The following COL27A1 variants were observed in gnomAD, a reference collection of about 807,000 sequenced individuals.
COL27A1 encodes the protein collagen alpha-1(XXVII) chain.
Under a neutral mutation model 251.3 loss-of-function variants are expected in COL27A1, and 106 were observed. The observed-to-expected ratio is 0.42, with a 90% CI of 0.36 to 0.50. COL27A1 has a LOEUF of 0.50. Among genes scored for constraint, COL27A1 ranks in the 20% least tolerant of loss-of-function variants. The probability of loss-of-function intolerance (pLI) is 0.00; values close to 1 mark genes in which losing one functional copy is unlikely to be tolerated. For synonymous variants in COL27A1, 1,000 were observed against 986.3 expected (o/e 1.01, Z -0.26); for missense variants, 2,325 against 2,522.8 (o/e 0.92, Z 1.68).
chr9:114,162,652 G>A lies in COL27A1; in HGVS notation c.63-63G>A. 4.7e-6 allele frequency: 6 copies of A among 1,265,686 alleles called. No homozygotes were observed. The South Asian group carries it at 7.3e-5, about 15-fold the overall frequency. 78.4% of individuals were successfully genotyped at this position (1,265,686 alleles called of 1,614,324 possible). On this transcript the variant is annotated intron_variant, in intron 1 of 60. Coordinates refer to ENST00000356083, the MANE Select transcript of COL27A1 (RefSeq NM_032888.4). ...CTGGTTTCCACTCCCAGCTTCCCCAGCCGGATCCGGGTGTGAGGGGTGGAA... is the reference window on the plus strand; with the variant it reads ...CTGGTTTCCACTCCCAGCTTCCCCAACCGGATCCGGGTGTGAGGGGTGGAA...
At chr9:114,236,132 C>T (rs554482179) in intron 17 of COL27A1, among the ~76,000 whole-genome samples, 1 of 152,236 alleles carries the variant, frequency 6.6e-6, no homozygotes, top group South Asian at 2.1e-4. Context: ...CGCCCGGGAC[C>T]CCCTCCACCC....
intron 1 of COL27A1, among the ~76,000 whole-genome samples, chr9:114,161,734 C>T (rs2135019521): frequency 6.6e-6 from 1 of 152,358 alleles, no homozygotes; most frequent in South Asian, 2.1e-4. Flanking sequence ...GCCTGGGGAT[C>T]AGATACCCCA....
At chr9:114,256,177 G>A (rs184254675) in intron 27 of COL27A1, among the ~76,000 whole-genome samples, 1 of 152,314 alleles carries the variant, frequency 6.6e-6, no homozygotes, top group East Asian at 1.9e-4. Flanking sequence ...TTGTCCGATA[G>A]CACATTGAGA....
Position 114,167,749 on chromosome 9 carries a change from C to A in COL27A1, c.194C>A (p.Pro65Gln). ...SWTKAGSPAP[P>Q]GVIPFQSGFI... ...ACGAAGGCCGGGAGCCCTGCACCCC[C>A]GGGAGTCATTCCTTTCCAGTCGGGC... is the stretch of plus-strand genomic sequence containing the variant. Residue 65 changes from proline (P) to glutamine (Q), a missense_variant, in exon 3 of 61, where the codon CCG becomes CAG. Physicochemically the swap from Pro to Gln is moderately conservative, Grantham distance 76. Around this residue, in one of 4 missense-constraint regions of COL27A1, gnomAD observed 1,183 missense variants for 1,144.1 expected, o/e 1.03. Coordinates refer to ENST00000356083, the MANE Select transcript of COL27A1 (RefSeq NM_032888.4). 6.2e-7 allele frequency: 1 copy of A among 1,613,858 alleles called. No homozygotes were observed. Among genetic ancestry groups the A allele is most frequent in the Non-Finnish European group, 8.5e-7 (1 of 1,180,006 alleles).
In COL27A1 at chr9:114,205,119, T is replaced by C. The variant is rs1458354131; in HGVS notation, c.2142T>C (p.Pro714=). 12 of 1,613,726 alleles carry C rather than the reference T, an allele frequency of 7.4e-6. No individual in the cohort carries two copies. The highest frequency in any genetic ancestry group is 1.0e-5 in the Non-Finnish European group (12 of 1,179,998). The stretch of plus-strand genomic sequence containing the variant: ...TCCAACAGGGACACAAGGGCTATCC[T>C]GGACCGGCAGGGCACCCCGGAGAAC... The part of the protein sequence containing the change: ...PPGRKGHKGY[P]GPAGHPGEQG... The change falls in exon 8 of 61, where the codon CCT becomes CCC. Residue 714 remains proline, a synonymous_variant. Coordinates refer to ENST00000356083, the MANE Select transcript of COL27A1 (RefSeq NM_032888.4).
chr9:114,240,457 G>T lies in COL27A1; in HGVS notation c.2805G>T (p.Leu935=). The T allele has an allele frequency of 2.5e-6, 4 of 1,612,834 alleles. No individual in the cohort carries two copies. The highest frequency in any genetic ancestry group is 3.4e-6 in the Non-Finnish European group (4 of 1,179,876). ...GMKGKPGARG[L]PGPRGQLGPE... ...AGGGTAAGCCTGGAGCCCGAGGCCT[G>T]CCGGGACCCCGTGGGCAGCTGGGGC... The change falls in exon 21 of 61, where the codon CTG becomes CTT. Residue 935 remains leucine, a synonymous_variant. Transcript: ENST00000356083.
intron 27 of COL27A1, among the ~76,000 whole-genome samples, chr9:114,253,317 A>AAGAAAGAAAGAAAGAAAGAAAGAAAGAG (rs1179949305): frequency 1.3e-5 from 2 of 150,012 alleles, no homozygotes; most frequent in African/African-American, 2.5e-5. Context: ...GAAAGAAAGA[A>AAGAAAGAAAGAAAGAAAGAAAGAAAGAG]AGAGAGAGGA....
At chr9:114,250,526 C>A (rs971484339) in intron 24 of COL27A1, 89 bp from the exon 25 acceptor site, 58 of 1,247,438 alleles carry the variant, frequency 4.6e-5, no homozygotes, top group Non-Finnish European at 6.2e-5. Context: ...GTGGGAGACA[C>A]CTGGGAGATG....
chr9:114,167,348 T>C (rs1322529260), intron 2 of COL27A1, among the ~76,000 whole-genome samples: 1 of 152,244 alleles, frequency 6.6e-6, no homozygotes, highest in Admixed American at 6.5e-5. Context: ...GGACTGTTAC[T>C]ATCCCATTTA....
Position 114,234,664 on chromosome 9 carries a change from A to G in COL27A1, c.2566-935A>G, listed in dbSNP as rs536596486. On this transcript the variant is annotated intron_variant, in intron 16 of 60. Transcript: ENST00000356083. ...CAGTGTCACGAAGCCTGTGCAGTACATCGTGTTAGAAGACAAACACCCAGA... is the reference window on the plus strand; with the variant it reads ...CAGTGTCACGAAGCCTGTGCAGTACGTCGTGTTAGAAGACAAACACCCAGA... Among the ~76,000 whole-genome samples the G allele has an allele frequency of 3.3e-5, 5 of 152,332 alleles. No homozygotes were observed. The South Asian group carries it at 1.0e-3, about 32-fold the overall frequency.
intron 21 of COL27A1, among the ~76,000 whole-genome samples, chr9:114,241,632 A>G (rs1288953751): frequency 2.0e-5 from 3 of 152,308 alleles, no homozygotes; most frequent in Middle Eastern, 3.4e-3. Context: ...AGCCCTATGT[A>G]TGCCTGCCAC....
chr9:114,257,249 G>A lies in COL27A1; in HGVS notation c.3142-1292G>A, dbSNP rs544449760. Among the ~76,000 whole-genome samples the A allele has an allele frequency of 1.4e-4, 21 of 152,026 alleles. No homozygotes were observed. In the South Asian group the frequency reaches 3.9e-3, roughly 29 times the overall value. On this transcript the variant is annotated intron_variant, in intron 27 of 60. Transcript: ENST00000356083. Reference sequence around the variant, plus strand: ...TGGCTCTGCCTTGCAAAAGGAGCACGCCCAGTCTGAGAATTGCTGCGGAGC... The same window carrying A: ...TGGCTCTGCCTTGCAAAAGGAGCACACCCAGTCTGAGAATTGCTGCGGAGC...
At chr9:114,302,817 A>G (rs1188562500) in intron 56 of COL27A1, among the ~76,000 whole-genome samples, 1 of 151,384 alleles carries the variant, frequency 6.6e-6, no homozygotes, top group African/African-American at 2.4e-5. Flanking sequence ...CCTATCTGAG[A>G]GCATGACTCC....
At chr9:114,157,598 T>C (rs767367681) in intron 1 of COL27A1, among the ~76,000 whole-genome samples, 9 of 152,204 alleles carry the variant, frequency 5.9e-5, no homozygotes, top group Non-Finnish European at 1.2e-4. Flanking sequence ...GCATTTTCTC[T>C]CCTCCATCTC....
intron 5 of COL27A1, 115 bp downstream of exon 5, chr9:114,183,190 C>T (rs557822294): frequency 1.5e-5 from 15 of 1,010,404 alleles, no homozygotes; most frequent in African/African-American, 4.8e-5. Context: ...GGGGGATTCC[C>T]GCCTAAGCCA....
At chr9:114,267,770 C>G (rs760091459) in intron 34 of COL27A1, among the ~76,000 whole-genome samples, 1 of 152,160 alleles carries the variant, frequency 6.6e-6, no homozygotes, top group Middle Eastern at 3.2e-3. Flanking sequence ...TTTCGGGCAC[C>G]TGCCCCTGCC....
At position 114,242,242 on chromosome 9, in the gene COL27A1, C is replaced by A. The variant is rs765109123; in HGVS notation, c.2880+11C>A. On this transcript the variant is annotated intron_variant, in intron 22 of 60. Transcript: ENST00000356083. ...GCCCCTGGCTTGGAGGTGAGTGTCACTGGCCTGGGGTAGGTGGCATTCATG... is the reference window on the plus strand; with the variant it reads ...GCCCCTGGCTTGGAGGTGAGTGTCAATGGCCTGGGGTAGGTGGCATTCATG... 2 of 1,609,530 alleles carry A rather than the reference C, an allele frequency of 1.2e-6. No individual in the cohort carries two copies. The highest frequency in any genetic ancestry group is 4.5e-5 in the East Asian group (2 of 44,678).
At chr9:114,212,409 G>A (rs534758744) in intron 12 of COL27A1, among the ~76,000 whole-genome samples, 1 of 152,396 alleles carries the variant, frequency 6.6e-6, no homozygotes, top group African/African-American at 2.4e-5. Flanking sequence ...TGTTCTGGCA[G>A]AGCAGTGGAT....
intron 7 of COL27A1, among the ~76,000 whole-genome samples, chr9:114,196,886 G>A (rs997759842): frequency 6.6e-6 from 1 of 152,068 alleles, no homozygotes; most frequent in Admixed American, 6.5e-5. Context: ...CCTACTCCAG[G>A]AAGTCCTCCT....
Sources: allele counts gnomAD v4.1 joint callset (sites outside exome capture counted in the v4.1 genomes callset), GRCh38; gene constraint gnomAD v4.1.1; regional missense constraint gnomAD v4.1.1; transcripts MANE v1.5; gene names NCBI Gene and HGNC (gene_info 2026-07-23, HGNC 2026-07-21).